The following TNIK variants were observed in gnomAD, a reference collection of about 807,000 sequenced individuals.
TNIK encodes the protein TRAF2 and NCK-interacting protein kinase.
A neutral mutation model predicts 191.3 loss-of-function variants in TNIK; 49 were observed. The observed-to-expected ratio is 0.26, with a 90% CI of 0.20 to 0.32. TNIK has a LOEUF of 0.32. Ranked by LOEUF, TNIK falls within the 10% of genes least tolerant of loss-of-function variation. The pLI is 1.00. For missense variants in TNIK, 1,155 were observed against 1,702.3 expected (o/e 0.68, Z 5.66); for synonymous variants, 594 against 600.9 (o/e 0.99, Z 0.17).
intron 1 of TNIK, among the ~76,000 whole-genome samples, chr3:171,424,491 C>A (rs111372263): frequency 0.04 from 6,063 of 152,028 alleles, 406 homozygotes; most frequent in African/African-American, 0.14. Context: ...GGGTATATAC[C>A]CAAAGGAGTA....
In TNIK at chr3:171,152,011, T is replaced by G. The variant is rs568031237; in HGVS notation, c.1221+5449A>C. Among the ~76,000 whole-genome samples, 13 of 152,280 alleles carry G rather than the reference T, an allele frequency of 8.5e-5. 1 individual carries two copies. In the East Asian group the frequency reaches 1.4e-3, roughly 16 times the overall value. On this transcript the variant is annotated intron_variant, in intron 12 of 32. Coordinates refer to ENST00000436636, the MANE Select transcript of TNIK (RefSeq NM_015028.4). ...AAGAGTGAATGGTGACCGGGCATGG[T>G]GGTTCACACCTGTAATCCCAGCACT...
chr3:171,428,470 T>C (rs1264967053), intron 1 of TNIK, among the ~76,000 whole-genome samples: 1 of 151,678 alleles, frequency 6.6e-6, no homozygotes, highest in Non-Finnish European at 1.5e-5. Flanking sequence ...CCCCCTGTGG[T>C]CAACCGACCA....
At position 171,059,416 on chromosome 3, in the gene TNIK, T is replaced by C. The variant is rs1001889765; in HGVS notation, c.*4465A>G. On this transcript the variant is annotated 3_prime_UTR_variant, in exon 33 of 33. Coordinates refer to ENST00000436636, the MANE Select transcript of TNIK (RefSeq NM_015028.4). ...GAAGAATAAAGTCCAAAGCACAGGGTTATGATCTCACACTGTTTAATGCTA... is the reference window on the plus strand; with the variant it reads ...GAAGAATAAAGTCCAAAGCACAGGGCTATGATCTCACACTGTTTAATGCTA... 5.3e-5 allele frequency among the ~76,000 whole-genome samples: 8 copies of C among 152,262 alleles called. No homozygotes were observed. The highest frequency in any genetic ancestry group is 3.9e-4 in the Admixed American group (6 of 15,276).
chr3:171,239,965 G>A (rs1385791506), intron 2 of TNIK, among the ~76,000 whole-genome samples: 1 of 152,120 alleles, frequency 6.6e-6, no homozygotes, highest in African/African-American at 2.4e-5. Context: ...GAAAGAACAA[G>A]GGCTGTTTTA....
At chr3:171,251,757 C>G (rs924230418) in intron 2 of TNIK, among the ~76,000 whole-genome samples, 3 of 152,160 alleles carry the variant, frequency 2.0e-5, no homozygotes, top group African/African-American at 7.2e-5. Flanking sequence ...TTAAATCATT[C>G]TGAAATTACC....
chr3:171,089,956 A>AG (rs1721851676), intron 23 of TNIK, among the ~76,000 whole-genome samples: 1 of 152,126 alleles, frequency 6.6e-6, no homozygotes, highest in Non-Finnish European at 1.5e-5. Context: ...CTGTTGTATT[A>AG]GGGGGCCTAC....
At chr3:171,330,529 G>A (rs946332966) in intron 2 of TNIK, among the ~76,000 whole-genome samples, 1 of 152,134 alleles carries the variant, frequency 6.6e-6, no homozygotes, top group African/African-American at 2.4e-5. Context: ...CATTTACTTA[G>A]AAAGCAGCAG....
At chr3:171,327,771 AAAGG>A (rs987368859) in intron 2 of TNIK, among the ~76,000 whole-genome samples, 3 of 152,002 alleles carry the variant, frequency 2.0e-5, no homozygotes. Context: ...ATAGCTGCAT[AAAGG>A]AAGGTGTAAC....
chr3:171,236,809 C>G (rs1006685818), intron 2 of TNIK, among the ~76,000 whole-genome samples: 1 of 152,190 alleles, frequency 6.6e-6, no homozygotes, highest in African/African-American at 2.4e-5. Context: ...ATTACATCCT[C>G]TCCCCTGGCC....
At chr3:171,090,529 A>C (rs1429908578) in intron 23 of TNIK, among the ~76,000 whole-genome samples, 1 of 149,132 alleles carries the variant, frequency 6.7e-6, no homozygotes, top group Non-Finnish European at 1.5e-5. Context: ...TGGTTCAGTG[A>C]GGAGGATCAA....
chr3:171,460,128 C>T lies in TNIK; in HGVS notation c.-65G>A, dbSNP rs1729301175. Reference sequence around the variant, plus strand: ...GAAGCTTTTCCCTTGGAAATTCCACCTTGGTCTATTTCACTCGCGTCCTCA... The same window carrying T: ...GAAGCTTTTCCCTTGGAAATTCCACTTTGGTCTATTTCACTCGCGTCCTCA... On this transcript the variant is annotated 5_prime_UTR_variant, in exon 1 of 33. Coordinates refer to ENST00000436636, the MANE Select transcript of TNIK (RefSeq NM_015028.4). The surrounding 1 kb of genome is among the most constrained non-coding windows in gnomAD (Gnocchi z 6.8). 6 of 1,554,444 alleles carry T rather than the reference C, an allele frequency of 3.9e-6. No individual in the cohort carries two copies. The South Asian group carries it at 5.9e-5, about 15-fold the overall frequency.
chr3:171,196,345 T>A (rs759096500), intron 4 of TNIK, among the ~76,000 whole-genome samples: 2 of 151,854 alleles, frequency 1.3e-5, no homozygotes, highest in Admixed American at 6.6e-5. Flanking sequence ...TAGAAAAAAA[T>A]AAATAAATAA....
chr3:171,084,605 T>G (rs548400593), intron 25 of TNIK, among the ~76,000 whole-genome samples: 5 of 152,272 alleles, frequency 3.3e-5, no homozygotes, highest in Admixed American at 3.3e-4. Context: ...CACTCTTGTA[T>G]ATAGGCAAAA....
At chr3:171,410,941 ATTAATCC>A (rs1722324091) in intron 1 of TNIK, among the ~76,000 whole-genome samples, 2 of 152,182 alleles carry the variant, frequency 1.3e-5, no homozygotes, top group African/African-American at 4.8e-5. Context: ...GGAAGCCACC[ATTAATCC>A]ACTACACTCA....
At chr3:171,094,480 C>T (rs1722471263) in intron 22 of TNIK, among the ~76,000 whole-genome samples, 2 of 152,216 alleles carry the variant, frequency 1.3e-5, no homozygotes, top group African/African-American at 4.8e-5. Context: ...GGACTGGCCC[C>T]ACTTTTGCAG....
chr3:171,347,719 A>G (rs1356596938), intron 2 of TNIK, among the ~76,000 whole-genome samples: 1 of 152,188 alleles, frequency 6.6e-6, no homozygotes, highest in African/African-American at 2.4e-5. Flanking sequence ...CTCACAAACA[A>G]AAAGCTTTTA....
chr3:171,409,468 T>C (rs938032257), intron 1 of TNIK, among the ~76,000 whole-genome samples: 7 of 152,150 alleles, frequency 4.6e-5, no homozygotes, highest in African/African-American at 1.7e-4. Flanking sequence ...AATATTACTC[T>C]AGCTGATATG....
At chr3:171,164,384 C>G (rs781270300) in intron 10 of TNIK, among the ~76,000 whole-genome samples, 5 of 152,164 alleles carry the variant, frequency 3.3e-5, no homozygotes, top group African/African-American at 4.8e-5. Context: ...AAGTATGGGT[C>G]AATAAGTAAT....
At chr3:171,380,023 ACACGCG>A (rs1214730310) in intron 1 of TNIK, among the ~76,000 whole-genome samples, 1 of 61,334 alleles carries the variant, frequency 1.6e-5, no homozygotes, top group African/African-American at 5.8e-5. Flanking sequence ...ACACACACAC[ACACGCG>A]CACACACACA....
Sources: allele counts gnomAD v4.1 joint callset (sites outside exome capture counted in the v4.1 genomes callset), GRCh38; gene constraint gnomAD v4.1.1; non-coding constraint Gnocchi (gnomAD v3.1); transcripts MANE v1.5; gene names NCBI Gene and HGNC (gene_info 2026-07-23, HGNC 2026-07-21).